The following GABRB1 variants were observed in gnomAD, a reference collection of about 807,000 sequenced individuals.
The protein encoded by GABRB1 is gamma-aminobutyric acid receptor subunit beta-1.
A neutral mutation model predicts 51.6 loss-of-function variants in GABRB1; 17 were observed. That is an observed-to-expected ratio of 0.33 (90% CI 0.23 to 0.49). GABRB1 has a LOEUF of 0.49. GABRB1 is among the 20% of genes least tolerant of loss of function. GABRB1 has a pLI of 0.99. For missense variants in GABRB1, 410 were observed against 600.6 expected (o/e 0.68, Z 3.32); for synonymous variants, 247 against 218.9 (o/e 1.13, Z -1.14).
intron 5 of GABRB1, among the ~76,000 whole-genome samples, chr4:47,373,967 A>C (rs922449033): frequency 6.6e-6 from 1 of 152,186 alleles, no homozygotes; most frequent in African/African-American, 2.4e-5. Flanking sequence ...GGGATGGTTG[A>C]ACAACCTGAC....
intron 5 of GABRB1, among the ~76,000 whole-genome samples, chr4:47,368,610 C>A (rs1346321361): frequency 6.6e-6 from 1 of 152,068 alleles, no homozygotes; most frequent in Non-Finnish European, 1.5e-5. Flanking sequence ...TTACAGGGAG[C>A]CAGGCCCAAG....
intron 3 of GABRB1, among the ~76,000 whole-genome samples, chr4:47,062,673 G>A (rs1442350921): frequency 6.6e-6 from 1 of 151,986 alleles, no homozygotes; most frequent in Non-Finnish European, 1.5e-5. Flanking sequence ...TCTTAATAGT[G>A]GAAAGAAAAC....
chr4:47,420,583 ATTTC>A (rs1729062016), intron 8 of GABRB1, among the ~76,000 whole-genome samples: 1 of 152,150 alleles, frequency 6.6e-6, no homozygotes, highest in African/African-American at 2.4e-5. Flanking sequence ...ATATTTTGAT[ATTTC>A]TTTATTAATT....
intron 4 of GABRB1, among the ~76,000 whole-genome samples, chr4:47,198,994 CATGAT>C (rs1719797190): frequency 6.6e-6 from 1 of 152,178 alleles, no homozygotes; most frequent in African/African-American, 2.4e-5. Context: ...AAACCACCCC[CATGAT>C]CCAATTACCT....
upstream of GABRB1, among the ~76,000 whole-genome samples, chr4:47,030,066 T>G (rs369958517): frequency 2.0e-5 from 3 of 152,284 alleles, no homozygotes; most frequent in East Asian, 5.8e-4. Flanking sequence ...CCATTTAGAA[T>G]GTAGGAATTT....
At chr4:47,137,551 C>A (rs1716724853) in intron 3 of GABRB1, among the ~76,000 whole-genome samples, 1 of 152,042 alleles carries the variant, frequency 6.6e-6, no homozygotes, top group Non-Finnish European at 1.5e-5. Context: ...CTGGAAGTAA[C>A]CAAGAAGATA....
intron 4 of GABRB1, among the ~76,000 whole-genome samples, chr4:47,217,984 C>T (rs7671741): frequency 0.2 from 31,012 of 151,594 alleles, 3,300 homozygotes; most frequent in East Asian, 0.25. Context: ...CTTCATCCTC[C>T]CTCCCCGCTC....
intron 3 of GABRB1, among the ~76,000 whole-genome samples, chr4:47,082,662 A>G (rs956953781): frequency 3.3e-5 from 5 of 152,108 alleles, no homozygotes; most frequent in African/African-American, 1.2e-4. Context: ...GAATGTCACT[A>G]AAGTCTAAGA....
rs535937599 is a variant in GABRB1 at position 47,261,440 on chromosome 4, C to A, written c.462-58687C>A. ...CAAATCATGAGTGAACTCCCATTCACAATTGCTTCAAAGAGAATAAAATAC... is the reference window on the plus strand; with the variant it reads ...CAAATCATGAGTGAACTCCCATTCAAAATTGCTTCAAAGAGAATAAAATAC... On this transcript the variant is annotated intron_variant, in intron 4 of 8. Transcript: ENST00000295454. 7.9e-5 allele frequency among the ~76,000 whole-genome samples: 12 copies of A among 152,282 alleles called. 1 individual carries two copies. In the South Asian group the frequency reaches 1.5e-3, roughly 18 times the overall value.
At chr4:47,259,784 A>T (rs999522178) in intron 4 of GABRB1, among the ~76,000 whole-genome samples, 1 of 152,194 alleles carries the variant, frequency 6.6e-6, no homozygotes, top group African/African-American at 2.4e-5. Context: ...TGATATATAC[A>T]TCACATTTTG....
intron 3 of GABRB1, among the ~76,000 whole-genome samples, chr4:47,093,254 T>C (rs1403084900): frequency 6.6e-6 from 1 of 152,216 alleles, no homozygotes; most frequent in Non-Finnish European, 1.5e-5. Flanking sequence ...AATTCTATGA[T>C]TTACCAGTTC....
chr4:47,189,941 A>C (rs1220239399), intron 4 of GABRB1, among the ~76,000 whole-genome samples: 1 of 151,988 alleles, frequency 6.6e-6, no homozygotes, highest in Non-Finnish European at 1.5e-5. Context: ...GAAGGCTCTC[A>C]CTAGTGTCCA....
chr4:47,015,844 T>A (rs1380032295), intron 1 of GABRB1, among the ~76,000 whole-genome samples: 1 of 152,242 alleles, frequency 6.6e-6, no homozygotes, highest in Non-Finnish European at 1.5e-5. Flanking sequence ...ATTTTTGAGA[T>A]CCTACAGCAT....
intron 4 of GABRB1, among the ~76,000 whole-genome samples, chr4:47,181,792 A>C (rs1198016549): frequency 6.6e-6 from 1 of 152,036 alleles, no homozygotes; most frequent in African/African-American, 2.4e-5. Flanking sequence ...TGTGTTTGCT[A>C]AATTTTGCTC....
At chr4:47,229,333 G>A (rs1444101539) in intron 4 of GABRB1, among the ~76,000 whole-genome samples, 1 of 152,098 alleles carries the variant, frequency 6.6e-6, no homozygotes, top group Non-Finnish European at 1.5e-5. Context: ...CCAAATGTAT[G>A]ACAACGAAAG....
intron 4 of GABRB1, among the ~76,000 whole-genome samples, chr4:47,217,997 C>A (rs2109819494): frequency 6.6e-6 from 1 of 151,884 alleles, no homozygotes; most frequent in Non-Finnish European, 1.5e-5. Flanking sequence ...CCCCGCTCAT[C>A]CCTTCCCAGC....
At chr4:47,124,373 C>G (rs1038905334) in intron 3 of GABRB1, among the ~76,000 whole-genome samples, 3 of 152,076 alleles carry the variant, frequency 2.0e-5, no homozygotes, top group African/African-American at 7.2e-5. Context: ...AGGTCTGTAC[C>G]TGCCAAAACT....
At chr4:47,206,566 T>A (rs538166848) in intron 4 of GABRB1, among the ~76,000 whole-genome samples, 4 of 152,008 alleles carry the variant, frequency 2.6e-5, no homozygotes, top group Non-Finnish European at 5.9e-5. Flanking sequence ...TTGCTTACTA[T>A]GTGTGAAGCA....
intron 3 of GABRB1, among the ~76,000 whole-genome samples, chr4:47,151,115 C>A (rs1560559738): frequency 1.3e-5 from 2 of 151,952 alleles, no homozygotes; most frequent in East Asian, 3.9e-4. Context: ...AAAAATCATT[C>A]TTTCTGTTAG....
Sources: allele counts gnomAD v4.1 joint callset (sites outside exome capture counted in the v4.1 genomes callset), GRCh38; gene constraint gnomAD v4.1.1; transcripts MANE v1.5; gene names NCBI Gene and HGNC (gene_info 2026-07-23, HGNC 2026-07-21).